The following YTHDC2 variants were observed in gnomAD, a reference collection of about 807,000 sequenced individuals.
YTHDC2 encodes the protein YTH N6-methyladenosine RNA binding protein C2.
A neutral mutation model predicts 174.9 loss-of-function variants in YTHDC2; 45 were observed. The observed-to-expected ratio is 0.26, with a 90% CI of 0.20 to 0.33. YTHDC2 has a LOEUF of 0.33. Ranked by LOEUF, YTHDC2 falls within the 10% of genes least tolerant of loss-of-function variation. The pLI is 1.00. For synonymous variants in YTHDC2, 657 were observed against 574.5 expected, an observed-to-expected ratio of 1.14 and a Z score of -2.05; for missense variants, 1,650 against 1,723.7, an observed-to-expected ratio of 0.96 and a Z score of 0.76.
At chr5:113,571,044 C>G (rs1189788465) in intron 23 of YTHDC2, among the ~76,000 whole-genome samples, 3 of 152,166 alleles carry the variant, frequency 2.0e-5, no homozygotes, top group Non-Finnish European at 4.4e-5. Flanking sequence ...GAGAGGACAT[C>G]CTTGTACTGT....
At chr5:113,547,240 A>G (rs1775940244) in intron 10 of YTHDC2, among the ~76,000 whole-genome samples, 1 of 152,226 alleles carries the variant, frequency 6.6e-6, no homozygotes, top group Non-Finnish European at 1.5e-5. Flanking sequence ...CAGTTGAAGA[A>G]GTAATTTGCA....
intron 4 of YTHDC2, among the ~76,000 whole-genome samples, chr5:113,532,053 C>G (rs1290826133): frequency 6.6e-6 from 1 of 152,124 alleles, no homozygotes; most frequent in Non-Finnish European, 1.5e-5. Flanking sequence ...TATCAAGCAA[C>G]AACATCAATA....
intron 22 of YTHDC2, 115 bp from the exon 23 acceptor site, chr5:113,567,539 T>G (rs1777427960): frequency 2.2e-6 from 2 of 904,096 alleles, no homozygotes; most frequent in Middle Eastern, 3.3e-4. Context: ...TAATTTTTGC[T>G]TACGTACTAA....
At chr5:113,537,531 T>G (rs1775167546) in intron 7 of YTHDC2, among the ~76,000 whole-genome samples, 1 of 151,928 alleles carries the variant, frequency 6.6e-6, no homozygotes, top group Admixed American at 6.6e-5. Flanking sequence ...ATTATTCCCT[T>G]GATCCGTTTC....
chr5:113,567,887 A>G (rs760951826), intron 23 of YTHDC2, 38 bp downstream of exon 23: 1 of 1,418,650 alleles, frequency 7.0e-7, no homozygotes, highest in African/African-American at 1.5e-5. Context: ...ATTTGAAATG[A>G]ATTTTTTTTT....
rs1293473987 is a variant in YTHDC2, at chr5:113,593,388, C to G, written c.*5C>G. 6 of 1,607,022 alleles carry G rather than the reference C, an allele frequency of 3.7e-6. No homozygotes were observed. The highest frequency in any genetic ancestry group is 1.1e-5 in the South Asian group (1 of 90,668). On this transcript the variant is annotated splice_region_variant and 3_prime_UTR_variant, in exon 29 of 30. Coordinates refer to ENST00000161863, the MANE Select transcript of YTHDC2 (RefSeq NM_022828.5). ...GAAAAAAACACAACTGATTGACACTCAGGTTATACCATCTTGACTTTGAGT... is the reference window on the plus strand; with the variant it reads ...GAAAAAAACACAACTGATTGACACTGAGGTTATACCATCTTGACTTTGAGT...
At chr5:113,593,129 C>G in intron 28 of YTHDC2, 174 bp from the exon 29 acceptor site, 1 of 458,080 alleles carries the variant, frequency 2.2e-6, no homozygotes, top group Non-Finnish European at 3.9e-6. Context: ...AAGTCAACTC[C>G]ATAAACCTTA....
At chr5:113,520,900 C>T (rs1200166349) in intron 2 of YTHDC2, among the ~76,000 whole-genome samples, 2 of 152,066 alleles carry the variant, frequency 1.3e-5, no homozygotes, top group Non-Finnish European at 2.9e-5. Flanking sequence ...TTTCTTAATC[C>T]TCTCCCTCCT....
chr5:113,587,744 G>T (rs1399038889), intron 26 of YTHDC2, among the ~76,000 whole-genome samples: 1 of 150,756 alleles, frequency 6.6e-6, no homozygotes, highest in Non-Finnish European at 1.5e-5. Flanking sequence ...GCTGTTCCAG[G>T]TCCTTTGTAC....
At chr5:113,548,426 A>G (rs956665410) in intron 10 of YTHDC2, 115 bp from the exon 11 acceptor site, 7 of 988,714 alleles carry the variant, frequency 7.1e-6, no homozygotes, top group Admixed American at 2.9e-5. Context: ...TTAAGGAGCA[A>G]CTCTCAGGCT....
Position 113,548,974 on chromosome 5 carries a change from A to G in YTHDC2, c.1642A>G (p.Lys548Glu), listed in dbSNP as rs1776068964. 1 of 1,612,968 alleles carries G rather than the reference A, an allele frequency of 6.2e-7. No individual in the cohort carries two copies. ...TGGCAGGATGGCATTGGATTGGGCTAAACACTTTGGGCAGACTGAAATTGT... is the reference window on the plus strand; with the variant it reads ...TGGCAGGATGGCATTGGATTGGGCTGAACACTTTGGGCAGACTGAAATTGT... ...SNGWMALDWA[K>E]HFGQTEIVDL... The change falls in exon 12 of 30, where the codon AAA (lysine) becomes GAA (glutamate). Residue 548 changes from lysine (K) to glutamate (E), a missense_variant. This residue lies in a region of YTHDC2 where 411 missense variants were observed against 380.6 expected (regional missense o/e 1.08). Coordinates refer to ENST00000161863, the MANE Select transcript of YTHDC2 (RefSeq NM_022828.5).
At chr5:113,535,555 G>T in intron 6 of YTHDC2, 87 bp from the exon 7 acceptor site, 1 of 1,295,450 alleles carries the variant, frequency 7.7e-7, no homozygotes, top group Non-Finnish European at 1.0e-6. Context: ...TTGAATTAGT[G>T]TAAAACCCAG....
chr5:113,542,265 C>A, intron 9 of YTHDC2, 103 bp from the exon 10 acceptor site: 1 of 1,190,682 alleles, frequency 8.4e-7, no homozygotes, highest in Non-Finnish European at 1.2e-6. Flanking sequence ...GCTATATTAT[C>A]ATAGGATTAG....
intron 23 of YTHDC2, among the ~76,000 whole-genome samples, chr5:113,570,271 A>G (rs142104100): frequency 1.9e-3 from 286 of 151,690 alleles, no homozygotes; most frequent in Middle Eastern, 3.4e-3. Context: ...TAATTTTTGT[A>G]TTTTTACTAG....
At chr5:113,584,971 G>C (rs1561708279) in intron 26 of YTHDC2, among the ~76,000 whole-genome samples, 2 of 149,414 alleles carry the variant, frequency 1.3e-5, no homozygotes, top group Non-Finnish European at 3.0e-5. Context: ...TTATAGATGG[G>C]GATCTCCCTT....
Position 113,548,061 on chromosome 5 carries a change from G to A in YTHDC2, c.1496-480G>A, listed in dbSNP as rs924070546. Among the ~76,000 whole-genome samples the A allele has an allele frequency of 2.7e-4, 41 of 152,066 alleles. 1 individual carries two copies. Among genetic ancestry groups the A allele is most frequent in the Non-Finnish European group, 5.9e-5 (4 of 68,000 alleles). On this transcript the variant is annotated intron_variant, in intron 10 of 29. Coordinates refer to ENST00000161863, the MANE Select transcript of YTHDC2 (RefSeq NM_022828.5). ...TGTCTTATCAAATAGCCTTGAATGG[G>A]GGATTAAAAGCAAAGTAAAATAACA...
At chr5:113,524,433 T>C (rs1561625201) in intron 2 of YTHDC2, among the ~76,000 whole-genome samples, 1 of 152,130 alleles carries the variant, frequency 6.6e-6, no homozygotes, top group Non-Finnish European at 1.5e-5. Flanking sequence ...AAAAATATTT[T>C]ATTAAAAATG....
At chr5:113,527,933 G>A (rs777387624) in intron 4 of YTHDC2, among the ~76,000 whole-genome samples, 1 of 152,066 alleles carries the variant, frequency 6.6e-6, no homozygotes, top group Non-Finnish European at 1.5e-5. Context: ...TGGGATTACA[G>A]GCACCCGCCA....
rs1474992036 is a variant in YTHDC2, at chr5:113,594,870, G to A, written c.*1396G>A. The A allele has an allele frequency of 6.6e-6, 1 of 152,060 alleles. No homozygotes were observed. The highest frequency in any genetic ancestry group is 1.5e-5 in the Non-Finnish European group (1 of 67,988). 9.4% of individuals were successfully genotyped at this position (152,060 alleles called of 1,614,324 possible). On this transcript the variant is annotated 3_prime_UTR_variant, in exon 30 of 30. Transcript: ENST00000161863. ...TCTTGAGAACCTTCTACTTTCTCTG[G>A]GAAAGCATTATATAGTGGTGCATTA...
Sources: allele counts gnomAD v4.1 joint callset (sites outside exome capture counted in the v4.1 genomes callset), GRCh38; gene constraint gnomAD v4.1.1; regional missense constraint gnomAD v4.1.1; transcripts MANE v1.5; gene names NCBI Gene and HGNC (gene_info 2026-07-23, HGNC 2026-07-21).